RGS7: variants seen among roughly 807,000 people sequenced by gnomAD.
RGS7 encodes the protein regulator of G protein signaling 7, also known as regulator of G-protein signaling 7.
A neutral mutation model predicts 81.1 loss-of-function variants in RGS7; 27 were observed. That is an observed-to-expected ratio of 0.33 (90% confidence interval 0.25 to 0.46). The LOEUF (loss-of-function observed/expected upper bound fraction) is 0.46, where lower values mean the gene tolerates loss of function less well. Ranked by LOEUF, RGS7 falls within the 20% of genes least tolerant of loss-of-function variation. The pLI is 1.00. For synonymous variants in RGS7, 208 were observed against 207.7 expected, an observed-to-expected ratio of 1.00 and a Z score of -0.01; for missense variants, 396 against 607.4, an observed-to-expected ratio of 0.65 and a Z score of 3.66.
chr1:240,990,708 A>G (rs1228481600), intron 3 of RGS7, among the ~76,000 whole-genome samples: 1 of 152,244 alleles, frequency 6.6e-6, no homozygotes, highest in Non-Finnish European at 1.5e-5. Context: ...GATCAAACTT[A>G]TGATATAAAG....
At chr1:241,181,320 G>A (rs114259253) in intron 2 of RGS7, among the ~76,000 whole-genome samples, 1,677 of 152,278 alleles carry the variant, frequency 0.011, 12 homozygotes, top group Non-Finnish European at 0.017. Context: ...CGGGGTATAG[G>A]AGAAGTCTTT....
At chr1:241,065,634 TAA>T (rs777850535) in intron 3 of RGS7, among the ~76,000 whole-genome samples, 3 of 152,174 alleles carry the variant, frequency 2.0e-5, no homozygotes, top group Non-Finnish European at 4.4e-5. Flanking sequence ...ATGCTCAAAA[TAA>T]AAAAGTGTTT....
intron 6 of RGS7, among the ~76,000 whole-genome samples, chr1:240,930,222 C>CTTTTTTTTTTTT (rs10676730): frequency 4.4e-5 from 5 of 113,888 alleles, no homozygotes; most frequent in Admixed American, 9.5e-5. Flanking sequence ...TCTTTTTTAG[C>CTTTTTTTTTTTT]TTTTTTTTTT....
intron 2 of RGS7, among the ~76,000 whole-genome samples, chr1:241,205,446 T>C (rs969618143): frequency 6.6e-6 from 1 of 151,900 alleles, no homozygotes; most frequent in African/African-American, 2.4e-5. Flanking sequence ...AAAAAATTAA[T>C]TAGCATTTGT....
intron 3 of RGS7, among the ~76,000 whole-genome samples, chr1:240,992,319 T>C (rs1385322064): frequency 3.3e-5 from 5 of 152,240 alleles, no homozygotes; most frequent in Admixed American, 3.3e-4. Context: ...GTGGCCAAGA[T>C]GCTGAACCTC....
intron 2 of RGS7, among the ~76,000 whole-genome samples, chr1:241,102,796 G>A (rs763815123): frequency 1.3e-5 from 2 of 152,060 alleles, no homozygotes; most frequent in Non-Finnish European, 2.9e-5. Flanking sequence ...ACAAGCTTCA[G>A]TGATTGAGAT....
intron 18 of RGS7, among the ~76,000 whole-genome samples, chr1:240,790,188 C>T (rs181368758): frequency 9.8e-4 from 149 of 152,018 alleles, no homozygotes; most frequent in African/African-American, 3.2e-3. Flanking sequence ...GCCGAAATCA[C>T]GCCACTGCAC....
At chr1:241,330,942 C>T (rs983443966) in intron 2 of RGS7, among the ~76,000 whole-genome samples, 1 of 152,102 alleles carries the variant, frequency 6.6e-6, no homozygotes, top group Non-Finnish European at 1.5e-5. Context: ...TTTTAAAAAC[C>T]CTGTTTGTAT....
In RGS7 at chr1:240,801,513, C is replaced by T. The variant is rs1328797800; in HGVS notation, c.1360-5G>A. 7.5e-6 allele frequency: 12 copies of T among 1,597,610 alleles called. No individual in the cohort carries two copies. Among genetic ancestry groups the T allele is most frequent in the African/African-American group, 4.0e-5 (3 of 74,304 alleles). ...GCGATCCATTGAGTTTCCAGACTTACGTATGTGGGGTAGGATAGGATGAAG... is the reference window on the plus strand; with the variant it reads ...GCGATCCATTGAGTTTCCAGACTTATGTATGTGGGGTAGGATAGGATGAAG... On this transcript the variant is annotated splice_region_variant and splice_polypyrimidine_tract_variant and intron_variant, in intron 16 of 18. Transcript: ENST00000440928.
At chr1:241,202,011 G>GACACAC (rs60399497) in intron 2 of RGS7, among the ~76,000 whole-genome samples, 2,611 of 145,008 alleles carry the variant, frequency 0.018, 39 homozygotes, top group Admixed American at 0.024. Flanking sequence ...GACACACACA[G>GACACAC]ACACACACAC....
intron 2 of RGS7, among the ~76,000 whole-genome samples, chr1:241,193,086 G>A (rs116593704): frequency 0.011 from 1,628 of 152,270 alleles, 14 homozygotes; most frequent in African/African-American, 0.021. Flanking sequence ...GATTTAAAAT[G>A]TCATTTAAAT....
In RGS7 at chr1:240,898,526, T is replaced by C. The variant is rs1261247853; in HGVS notation, c.386-28407A>G. ...TCAAAGAACATCTTTATTTCTGCCT[T>C]CATTTTGTTATGTACCCAGTAGTCA... On this transcript the variant is annotated intron_variant, in intron 6 of 18. Coordinates refer to ENST00000440928, the MANE Select transcript of RGS7 (RefSeq NM_001364886.1). Among the ~76,000 whole-genome samples, 11 of 152,228 alleles carry C rather than the reference T, an allele frequency of 7.2e-5. No individual in the cohort carries two copies. The East Asian group carries it at 2.1e-3, about 29-fold the overall frequency.
At chr1:241,201,066 T>C (rs1432733310) in intron 2 of RGS7, among the ~76,000 whole-genome samples, 1 of 152,234 alleles carries the variant, frequency 6.6e-6, no homozygotes, top group Non-Finnish European at 1.5e-5. Context: ...TTACTTTGAT[T>C]ACCACTTCTG....
intron 2 of RGS7, among the ~76,000 whole-genome samples, chr1:241,344,415 A>G (rs2082761177): frequency 6.6e-6 from 1 of 152,232 alleles, no homozygotes; most frequent in Admixed American, 6.5e-5. Context: ...TTTTCTGGAC[A>G]ATTACAATGA....
intron 10 of RGS7, 106 bp from the exon 11 acceptor site, chr1:240,816,521 T>C: frequency 1.3e-6 from 1 of 751,568 alleles, no homozygotes; most frequent in Non-Finnish European, 2.3e-6. Flanking sequence ...TCTCAAAGCT[T>C]ATTTGATTAA....
chr1:241,032,520 G>A (rs936878431), intron 3 of RGS7, among the ~76,000 whole-genome samples: 4 of 152,122 alleles, frequency 2.6e-5, no homozygotes, highest in African/African-American at 9.7e-5. Context: ...GGAAAATAAT[G>A]TTGGGATTTT....
At chr1:241,068,224 T>TGTGTGTGTGTGTGTGTGTGTG (rs2062185839) in intron 3 of RGS7, among the ~76,000 whole-genome samples, 1 of 55,814 alleles carries the variant, frequency 1.8e-5, no homozygotes, top group African/African-American at 6.2e-5. Flanking sequence ...TATCCATAAA[T>TGTGTGTGTGTGTGTGTGTGTG]TGTGTGTGTG....
At chr1:241,200,697 C>T (rs2073437288) in intron 2 of RGS7, among the ~76,000 whole-genome samples, 1 of 152,204 alleles carries the variant, frequency 6.6e-6, no homozygotes, top group African/African-American at 2.4e-5. Context: ...TCTCCTTTAG[C>T]TTCCATGAGT....
At chr1:241,252,285 C>A (rs1380809432) in intron 2 of RGS7, among the ~76,000 whole-genome samples, 1 of 152,152 alleles carries the variant, frequency 6.6e-6, no homozygotes, top group Non-Finnish European at 1.5e-5. Context: ...CTCAGGTGAT[C>A]TACCTGCCTT....
Sources: allele counts gnomAD v4.1 joint callset (sites outside exome capture counted in the v4.1 genomes callset), GRCh38; gene constraint gnomAD v4.1.1; transcripts MANE v1.5; gene names NCBI Gene and HGNC (gene_info 2026-07-23, HGNC 2026-07-21).